Variants in DPYSL3 observed in about 807,000 individuals in gnomAD.
DPYSL3 encodes dihydropyrimidinase-related protein 3.
Under a neutral mutation model 66.1 loss-of-function variants are expected in DPYSL3, and 16 were observed. That is an observed-to-expected ratio of 0.24 (90% confidence interval 0.16 to 0.37). The LOEUF (loss-of-function observed/expected upper bound fraction) is 0.37, where lower values mean the gene tolerates loss of function less well. Among genes scored for constraint, DPYSL3 ranks in the 10% least tolerant of loss-of-function variants. The pLI, the probability that DPYSL3 is intolerant of heterozygous loss-of-function variation, is 1.00. For missense variants in DPYSL3, 738 were observed against 916.2 expected, an observed-to-expected ratio of 0.81 and a Z score of 2.51; for synonymous variants, 338 against 345.1, an observed-to-expected ratio of 0.98 and a Z score of 0.23.
At position 147,509,976 on chromosome 5, in the gene DPYSL3, G is replaced by C; in HGVS notation, c.-118C>G. ...CGGGAGGAGGCGCCTGAGCCTTCGC[G>C]CCAGAGGCGGCAGTGCTGCTCCGAT... On this transcript the variant is annotated 5_prime_UTR_variant, in exon 1 of 14. Coordinates refer to ENST00000343218, the MANE Select transcript of DPYSL3 (RefSeq NM_001197294.2). This position sits in a 1 kb window ranked among gnomAD's most constrained non-coding sequence, Gnocchi z 5.3. The C allele has an allele frequency of 7.1e-7, 1 of 1,401,668 alleles. No homozygotes were observed. Among genetic ancestry groups the C allele is most frequent in the Non-Finnish European group, 9.3e-7 (1 of 1,070,338 alleles). The allele number at this position is 1,401,668 out of a possible 1,614,324, so 86.8% of individuals were successfully genotyped here.
At chr5:147,491,580 G>A (rs1406762034) in intron 1 of DPYSL3, among the ~76,000 whole-genome samples, 1 of 151,990 alleles carries the variant, frequency 6.6e-6, no homozygotes, top group Non-Finnish European at 1.5e-5. Flanking sequence ...AAGGTAAGAA[G>A]ACAGAAATTC....
At chr5:147,472,348 G>A (rs1490342915) in intron 1 of DPYSL3, among the ~76,000 whole-genome samples, 3 of 152,194 alleles carry the variant, frequency 2.0e-5, no homozygotes, top group African/African-American at 7.2e-5. Context: ...TAATGATGAG[G>A]TGTTATAGTG....
chr5:147,394,700 A>G (rs1218495494), intron 13 of DPYSL3, among the ~76,000 whole-genome samples: 1 of 152,030 alleles, frequency 6.6e-6, no homozygotes, highest in East Asian at 1.9e-4. Flanking sequence ...AAAAGGCAAA[A>G]ACTTTGAAAA....
chr5:147,439,435 G>A (rs779396107), intron 1 of DPYSL3, among the ~76,000 whole-genome samples: 5 of 152,144 alleles, frequency 3.3e-5, no homozygotes, highest in Non-Finnish European at 7.4e-5. Context: ...TGTCATAATG[G>A]GAGGATGGCT....
intron 1 of DPYSL3, among the ~76,000 whole-genome samples, chr5:147,428,555 A>G (rs1752243746): frequency 6.6e-6 from 1 of 152,152 alleles, no homozygotes; most frequent in South Asian, 2.1e-4. Context: ...CTGGACACAA[A>G]AAAGTGTTTG....
intron 1 of DPYSL3, among the ~76,000 whole-genome samples, chr5:147,459,859 C>T (rs1425211825): frequency 6.6e-6 from 1 of 152,184 alleles, no homozygotes; most frequent in Non-Finnish European, 1.5e-5. Flanking sequence ...GCCTGTAATG[C>T]CAGCACTTTG....
chr5:147,425,324 G>T (rs1752175618), intron 1 of DPYSL3, among the ~76,000 whole-genome samples: 1 of 152,172 alleles, frequency 6.6e-6, no homozygotes, highest in Admixed American at 6.5e-5. Context: ...AGTGGCTAGT[G>T]CACTCTCTAG....
chr5:147,425,571 G>A (rs1035470828), intron 1 of DPYSL3, among the ~76,000 whole-genome samples: 4 of 152,158 alleles, frequency 2.6e-5, no homozygotes, highest in African/African-American at 9.7e-5. Flanking sequence ...TTACAGTGGA[G>A]AAATTATGCA....
chr5:147,434,655 G>T (rs911198721), intron 1 of DPYSL3, among the ~76,000 whole-genome samples: 2 of 149,334 alleles, frequency 1.3e-5, no homozygotes, highest in African/African-American at 4.9e-5. Flanking sequence ...AGTAAGCCAG[G>T]ATCGCAAATA....
intron 8 of DPYSL3, 47 bp downstream of exon 8, chr5:147,405,563 C>A: frequency 2.5e-6 from 4 of 1,579,444 alleles, no homozygotes; most frequent in Non-Finnish European, 3.4e-6. Context: ...AGGGAAGGAG[C>A]CACACAGTGC....
At position 147,391,588 on chromosome 5, in the gene DPYSL3, A is replaced by G. The variant is rs978806136; in HGVS notation, c.*2447T>C. 2 of 152,338 alleles carry G rather than the reference A, an allele frequency of 1.3e-5. No homozygotes were observed. The highest frequency in any genetic ancestry group is 4.8e-5 in the African/African-American group (2 of 41,450). 9.4% of individuals were successfully genotyped at this position (152,338 alleles called of 1,614,324 possible). ...CTACACTTGCATGAGGTGCCAGTGAATTCGAAGAGGGCCGGGACTCACCAT... is the reference window on the plus strand; with the variant it reads ...CTACACTTGCATGAGGTGCCAGTGAGTTCGAAGAGGGCCGGGACTCACCAT... On this transcript the variant is annotated 3_prime_UTR_variant, in exon 14 of 14. Transcript: ENST00000343218.
At chr5:147,411,716 A>T (rs1751857548) in intron 6 of DPYSL3, among the ~76,000 whole-genome samples, 1 of 152,190 alleles carries the variant, frequency 6.6e-6, no homozygotes, top group South Asian at 2.1e-4. Flanking sequence ...CATTGTTCCT[A>T]CACCCCTGCT....
chr5:147,460,808 A>G (rs1752919854), intron 1 of DPYSL3, among the ~76,000 whole-genome samples: 1 of 152,170 alleles, frequency 6.6e-6, no homozygotes, highest in Non-Finnish European at 1.5e-5. Context: ...CTTGCAATCC[A>G]TTAATTGAAG....
At chr5:147,425,683 T>C (rs1561783357) in intron 1 of DPYSL3, among the ~76,000 whole-genome samples, 2 of 152,200 alleles carry the variant, frequency 1.3e-5, no homozygotes, top group South Asian at 4.1e-4. Context: ...TTAAAAACTA[T>C]AACTTAGATG....
In DPYSL3 at chr5:147,444,017, C is replaced by T. The variant is rs550552480; in HGVS notation, c.382-19054G>A. 5.3e-5 allele frequency among the ~76,000 whole-genome samples: 8 copies of T among 152,228 alleles called. No individual in the cohort carries two copies. In the South Asian group the frequency reaches 1.7e-3, roughly 32 times the overall value. ...TCCATGTCCCCCATAACCTACACCA[C>T]TCATACCTTATAGGAAACAGGTGCA... On this transcript the variant is annotated intron_variant, in intron 1 of 13. Coordinates refer to ENST00000343218, the MANE Select transcript of DPYSL3 (RefSeq NM_001197294.2).
intron 1 of DPYSL3, among the ~76,000 whole-genome samples, chr5:147,456,581 ATTTTTTTTTTTTT>A (rs985633099): frequency 7.5e-5 from 6 of 80,336 alleles, no homozygotes; most frequent in African/African-American, 3.2e-4. Context: ...TACTGATTCT[ATTTTTTTTTTTTT>A]TTTTTTTTTT....
chr5:147,458,281 C>A (rs1158417437), intron 1 of DPYSL3, among the ~76,000 whole-genome samples: 1 of 152,164 alleles, frequency 6.6e-6, no homozygotes, highest in African/African-American at 2.4e-5. Context: ...CCCACCAAAA[C>A]CAAGATGGCG....
chr5:147,504,825 C>T (rs973870428), intron 1 of DPYSL3, among the ~76,000 whole-genome samples: 4 of 152,102 alleles, frequency 2.6e-5, no homozygotes, highest in African/African-American at 9.7e-5. Context: ...AGAAAGTTAT[C>T]AATAAAAACC....
At chr5:147,432,279 G>C (rs1380534824) in intron 1 of DPYSL3, among the ~76,000 whole-genome samples, 2 of 152,180 alleles carry the variant, frequency 1.3e-5, no homozygotes, top group Non-Finnish European at 2.9e-5. Flanking sequence ...TAGACGGACA[G>C]ACACAAGGTA....
Sources: gnomAD v4.1 joint callset for allele counts (sites outside exome capture counted in the v4.1 genomes callset) on GRCh38, gnomAD v4.1.1 for gene constraint, Gnocchi (gnomAD v3.1) non-coding constraint, MANE v1.5 for transcripts, NCBI Gene and HGNC (gene_info 2026-07-23, HGNC 2026-07-21) for gene names.